The following SASH1 variants were observed in gnomAD, a reference collection of about 807,000 sequenced individuals.
SASH1 encodes the protein SAM and SH3 domain-containing protein 1.
A neutral mutation model predicts 125.2 loss-of-function variants in SASH1; 44 were observed. That is an observed-to-expected ratio of 0.35 (90% CI 0.28 to 0.45). The LOEUF (loss-of-function observed/expected upper bound fraction) is 0.45, where lower values mean the gene tolerates loss of function less well. Ranked by LOEUF, SASH1 falls within the 20% of genes least tolerant of loss-of-function variation. The pLI, the probability that SASH1 is intolerant of heterozygous loss-of-function variation, is 1.00. For missense variants in SASH1, 1,426 were observed against 1,614.5 expected (o/e 0.88, Z 2.00); for synonymous variants, 639 against 649.1 (o/e 0.98, Z 0.24).
intron 2 of SASH1, among the ~76,000 whole-genome samples, chr6:148,434,469 C>T (rs577294166): frequency 6.6e-6 from 1 of 152,182 alleles, no homozygotes; most frequent in South Asian, 2.1e-4. Context: ...ATACTCTCAG[C>T]GTTTTTTTTC....
At chr6:148,298,714 A>AAGGAAGGAAGGAAGGAAGG (rs1562312251) in intron 1 of SASH1, among the ~76,000 whole-genome samples, 6 of 77,090 alleles carry the variant, frequency 7.8e-5, no homozygotes, top group Non-Finnish European at 5.2e-5. Flanking sequence ...AGGAAGGAAG[A>AAGGAAGGAAGGAAGGAAGG]AGGAAGGGAA....
At chr6:148,335,824 C>A (rs1781137597) in intron 1 of SASH1, among the ~76,000 whole-genome samples, 1 of 152,074 alleles carries the variant, frequency 6.6e-6, no homozygotes. Context: ...ACTCCCAGCT[C>A]CATTACTCAG....
chr6:148,291,508 C>A (rs1362872580), intron 1 of SASH1, among the ~76,000 whole-genome samples: 1 of 152,084 alleles, frequency 6.6e-6, no homozygotes, highest in Non-Finnish European at 1.5e-5. Flanking sequence ...TGACGAAACT[C>A]TGTCTCTAAA....
At chr6:148,496,872 CA>C (rs1040794740) in intron 8 of SASH1, among the ~76,000 whole-genome samples, 25 of 133,566 alleles carry the variant, frequency 1.9e-4, no homozygotes, top group African/African-American at 7.0e-4. Context: ...GACCCTGTCT[CA>C]AAAAAAAGAA....
At chr6:148,204,674 G>A in the SASH1 span, among the ~76,000 whole-genome samples, 7 of 151,924 alleles carry the variant, frequency 4.6e-5, no homozygotes, top group Non-Finnish European at 7.4e-5. Context: ...ACTGGGCAAC[G>A]AGAGTGAAAC....
intron 4 of SASH1, among the ~76,000 whole-genome samples, chr6:148,464,251 A>G (rs17714668): frequency 0.086 from 13,163 of 152,264 alleles, 745 homozygotes; most frequent in Non-Finnish European, 0.13. Flanking sequence ...TGGGGTCTTA[A>G]TAGTAGGAGT....
At chr6:148,375,417 A>T (rs1782854723) in intron 1 of SASH1, among the ~76,000 whole-genome samples, 1 of 151,942 alleles carries the variant, frequency 6.6e-6, no homozygotes, top group African/African-American at 2.4e-5. Flanking sequence ...AAGAACAGCT[A>T]AAATCTACTT....
chr6:148,235,994 C>G, the SASH1 span, among the ~76,000 whole-genome samples: 5 of 152,114 alleles, frequency 3.3e-5, no homozygotes, highest in South Asian at 2.1e-4. Context: ...TCTGAAGGAC[C>G]CTGTTCATTC....
chr6:148,267,601 A>G (rs1778977806), upstream of SASH1, among the ~76,000 whole-genome samples: 1 of 152,012 alleles, frequency 6.6e-6, no homozygotes, highest in South Asian at 2.1e-4. Flanking sequence ...GATGGTCTCA[A>G]TCTCCTGACC....
At chr6:148,210,189 C>T in the SASH1 span, among the ~76,000 whole-genome samples, 1 of 152,180 alleles carries the variant, frequency 6.6e-6, no homozygotes, top group Non-Finnish European at 1.5e-5. Context: ...GTAAAGACTG[C>T]TGATGCCCCT....
chr6:148,478,751 G>T, intron 7 of SASH1: 1 of 153,376 alleles, frequency 6.5e-6, no homozygotes. Context: ...TGGGTGGCAG[G>T]TGAAAGTGAC....
intron 8 of SASH1, among the ~76,000 whole-genome samples, chr6:148,490,271 C>T (rs974720390): frequency 1.3e-5 from 2 of 151,620 alleles, no homozygotes; most frequent in African/African-American, 4.9e-5. Flanking sequence ...TACAGTGGCG[C>T]GATCTCAGCT....
Position 148,343,168 on chromosome 6 carries a change from G to A in SASH1, c.101G>A (p.Gly34Asp). ...APEPEPEPKP[G>D]AGTSEAFSRL... ...GAGCCGGAACCGGAGCCCAAGCCGG[G>A]TGCTGGCACATCCGAGGCGTTCTCC... The change falls in exon 1 of 20, where the codon GGT (glycine) becomes GAT (aspartate). Residue 34 changes from glycine to aspartate, a missense_variant. Coordinates refer to ENST00000367467, the MANE Select transcript of SASH1 (RefSeq NM_015278.5). 2 of 1,600,380 alleles carry A rather than the reference G, an allele frequency of 1.2e-6. No individual in the cohort carries two copies. Among genetic ancestry groups the A allele is most frequent in the Non-Finnish European group, 1.7e-6 (2 of 1,179,244 alleles).
At chr6:148,334,536 G>A (rs1198582832) in intron 1 of SASH1, among the ~76,000 whole-genome samples, 2 of 151,972 alleles carry the variant, frequency 1.3e-5, no homozygotes, top group African/African-American at 4.8e-5. Flanking sequence ...TCGAGGCCGG[G>A]TGCAGTGGCT....
chr6:148,486,051 T>C (rs1778824035), intron 7 of SASH1, among the ~76,000 whole-genome samples: 2 of 152,222 alleles, frequency 1.3e-5, no homozygotes, highest in South Asian at 4.1e-4. Flanking sequence ...TGCTCACTTA[T>C]TTGGGAAGTA....
intron 2 of SASH1, among the ~76,000 whole-genome samples, chr6:148,432,796 T>A (rs1236103254): frequency 2.6e-5 from 4 of 152,224 alleles, no homozygotes; most frequent in Non-Finnish European, 5.9e-5. Context: ...GGAGTGGGGA[T>A]GAGGGCATGA....
chr6:148,322,905 T>TTG (rs1780680280), intron 1 of SASH1, among the ~76,000 whole-genome samples: 2 of 116,038 alleles, frequency 1.7e-5, no homozygotes, highest in South Asian at 5.8e-4. Context: ...TCTTTCTCTC[T>TTG]CTTTCTTTCT....
the SASH1 span, among the ~76,000 whole-genome samples, chr6:148,197,667 C>T: frequency 1.3e-5 from 2 of 152,190 alleles, no homozygotes; most frequent in Non-Finnish European, 1.5e-5. Context: ...GTTTGATGAA[C>T]AGGAAACATT....
intron 16 of SASH1, among the ~76,000 whole-genome samples, chr6:148,535,747 A>G (rs1213545445): frequency 6.6e-6 from 1 of 152,240 alleles, no homozygotes; most frequent in African/African-American, 2.4e-5. Context: ...TATTCCTGAA[A>G]TCATTCATCT....
Sources: gnomAD v4.1 joint callset for allele counts (sites outside exome capture counted in the v4.1 genomes callset) on GRCh38, gnomAD v4.1.1 for gene constraint, MANE v1.5 for transcripts, NCBI Gene and HGNC (gene_info 2026-07-23, HGNC 2026-07-21) for gene names.